The following IFNAR2 variants were observed in gnomAD, a reference collection of about 807,000 sequenced individuals.
IFNAR2 encodes the protein interferon alpha and beta receptor subunit 2.
A neutral mutation model predicts 49.4 loss-of-function variants in IFNAR2; 30 were observed. The ratio of observed to expected loss-of-function variants is 0.61; its 90% CI spans 0.45 to 0.82. The LOEUF (loss-of-function observed/expected upper bound fraction) is 0.82. IFNAR2 is among the 40% of genes least tolerant of loss of function. The pLI is 0.00. For synonymous variants in IFNAR2, 224 were observed against 234.5 expected (o/e 0.96, Z 0.41); for missense variants, 600 against 622.7 (o/e 0.96, Z 0.39).
intron 1 of IFNAR2, chr21:33,232,935 A>G (rs1986167834): frequency 1.0e-6 from 1 of 982,990 alleles, no homozygotes. Context: ...TAAGGGGGAA[A>G]AATAGGAAAG....
chr21:33,252,101 T>TATCTATCTATCC (rs1987893750), intron 6 of IFNAR2: 1 of 457,172 alleles, frequency 2.2e-6, no homozygotes, highest in Non-Finnish European at 4.5e-6. Flanking sequence ...TCTATCTATC[T>TATCTATCTATCC]ATCTATCTAT....
intron 5 of IFNAR2, among the ~76,000 whole-genome samples, chr21:33,247,254 C>T (rs17860204): frequency 0.38 from 34,613 of 90,766 alleles, 6,613 homozygotes; most frequent in African/African-American, 0.41. Context: ...TTCTTTCTTT[C>T]TTTTTTTTTT....
At chr21:33,239,863 T>G (rs1435923605) in intron 1 of IFNAR2, among the ~76,000 whole-genome samples, 2 of 6,868 alleles carry the variant, frequency 2.9e-4, no homozygotes, top group Admixed American at 1.3e-3. Flanking sequence ...ACAGGTTCTA[T>G]ATTCTCCCTT....
At position 33,230,326 on chromosome 21, in the gene IFNAR2, TC is replaced by T. The variant is rs544110361; in HGVS notation, c.-84+111del. On this transcript the variant is annotated intron_variant, in intron 1 of 8. Coordinates refer to ENST00000342136, the MANE Select transcript of IFNAR2 (RefSeq NM_001289125.3). The surrounding 1 kb of genome is among the most constrained non-coding windows in gnomAD (Gnocchi z 5.5). ...GGAATCCCCTCCGGTTCCCTCTCGC[TC>T]TCCCCGACTCCTCCTCCTCCTCCTG... The T allele has an allele frequency of 4.4e-3, 3,872 of 889,204 alleles. 13 individuals are homozygous for T. Among genetic ancestry groups the T allele is most frequent in the Non-Finnish European group, 5.3e-3 (3,643 of 686,756 alleles). The allele number at this position is 889,204 out of a possible 1,614,324, so 55.1% of individuals were successfully genotyped here. A position where few individuals can be genotyped will look rare whatever the true frequency, so the allele number is the denominator to read the frequency against.
Position 33,263,562 on chromosome 21 carries a change from C to G in IFNAR2, c.*62C>G, listed in dbSNP as rs1988789426. The G allele has an allele frequency of 6.8e-7, 1 of 1,476,154 alleles. No homozygotes were observed. The highest frequency in any genetic ancestry group is 1.3e-5 in the South Asian group (1 of 75,354). 91.4% of individuals were successfully genotyped at this position (1,476,154 alleles called of 1,614,324 possible). ...CCTACAGGGTTCTTTGTCTCTGCAT[C>G]CTAACTTGCTGCCTTATCGTCTGCA... On this transcript the variant is annotated 3_prime_UTR_variant, in exon 9 of 9. Transcript: ENST00000342136.
chr21:33,246,685 C>T (rs1193174857), intron 4 of IFNAR2, 33 bp from the exon 5 acceptor site: 2 of 1,585,754 alleles, frequency 1.3e-6, no homozygotes. Context: ...TCAATGCTAA[C>T]AATTTCCTTT....
chr21:33,235,596 C>T (rs1030523998), intron 1 of IFNAR2, among the ~76,000 whole-genome samples: 4 of 152,216 alleles, frequency 2.6e-5, no homozygotes, highest in Admixed American at 6.5e-5. Flanking sequence ...TCTCTCAACA[C>T]GTAATGTTTT....
intron 7 of IFNAR2, 38 bp from the exon 8 acceptor site, chr21:33,260,559 A>AT (rs760402985): frequency 1.8e-5 from 28 of 1,567,134 alleles, no homozygotes; most frequent in Non-Finnish European, 2.3e-5. Context: ...TGTTTATTGC[A>AT]TTTTTTGAAA....
chr21:33,260,498 C>T, intron 7 of IFNAR2, 99 bp from the exon 8 acceptor site: 2 of 1,147,012 alleles, frequency 1.7e-6, no homozygotes, highest in Non-Finnish European at 2.4e-6. Flanking sequence ...CCTTTGGTTT[C>T]TTGATCATCT....
rs1273891197 is a variant in IFNAR2, at chr21:33,263,852, TTC to T, written c.*354_*355del. 1.9e-5 allele frequency: 3 copies of T among 154,274 alleles called. No individual in the cohort carries two copies. The highest frequency in any genetic ancestry group is 3.1e-5 in the African/African-American group (1 of 32,558). 9.6% of individuals were successfully genotyped at this position (154,274 alleles called of 1,614,324 possible). A position where few individuals can be genotyped will look rare whatever the true frequency, so the allele number is the denominator to read the frequency against. On this transcript the variant is annotated 3_prime_UTR_variant, in exon 9 of 9. Transcript: ENST00000342136. ...ACCCTATGATATTTCTCTTCTTTCG[TTC>T]TTTTTTTTTTTTTTTTTTGAGACAG...
In IFNAR2 at chr21:33,252,816, C is replaced by G; in HGVS notation, c.695C>G (p.Pro232Arg). The G allele has an allele frequency of 6.2e-7, 1 of 1,613,440 alleles. No homozygotes were observed. ...CCCTTAAAATGCACCCTCCTTCCAC[C>G]TGGCCAGGAATCAGGTATGTTCATT... ...KSPLKCTLLPPGQESESAESA... is the reference protein window; with the variant it reads ...KSPLKCTLLPRGQESESAESA... The change falls in exon 7 of 9, where the codon CCT (proline) becomes CGT (arginine). Residue 232 changes from proline to arginine, a missense_variant. Pro to Arg is a moderately radical substitution (Grantham distance 103). Transcript: ENST00000342136.
rs899316048 is a variant in IFNAR2, at chr21:33,230,388, C to T, written c.-84+172C>T. 5.5e-6 allele frequency: 3 copies of T among 540,738 alleles called. No individual in the cohort carries two copies. The highest frequency in any genetic ancestry group is 2.0e-5 in the African/African-American group (1 of 49,448). 33.5% of individuals were successfully genotyped at this position (540,738 alleles called of 1,614,324 possible). On this transcript the variant is annotated intron_variant, in intron 1 of 8. Transcript: ENST00000342136. The surrounding 1 kb of genome is among the most constrained non-coding windows in gnomAD (Gnocchi z 5.5). Reference sequence around the variant, plus strand: ...GCGTCTTGAGTATGCGGCTAGTGCGCCCTTCCTCTCTCCCGGGGCCGCACC... The same window carrying T: ...GCGTCTTGAGTATGCGGCTAGTGCGTCCTTCCTCTCTCCCGGGGCCGCACC...
chr21:33,256,107 C>G lies in IFNAR2; in HGVS notation c.709+3277C>G, dbSNP rs141083989. 1.7e-4 allele frequency among the ~76,000 whole-genome samples: 26 copies of G among 152,250 alleles called. No individual in the cohort carries two copies. The East Asian group carries it at 5.0e-3, about 29-fold the overall frequency. ...GTTTATTGAAACTCAGTCCCCAGTTCCAAGGTGAATGTGTTGCTGATGAGA... is the reference window on the plus strand; with the variant it reads ...GTTTATTGAAACTCAGTCCCCAGTTGCAAGGTGAATGTGTTGCTGATGAGA... On this transcript the variant is annotated intron_variant, in intron 7 of 8. Coordinates refer to ENST00000342136, the MANE Select transcript of IFNAR2 (RefSeq NM_001289125.3).
At chr21:33,260,814 C>T in intron 8 of IFNAR2, 87 bp downstream of exon 8, 1 of 853,022 alleles carries the variant, frequency 1.2e-6, no homozygotes, top group Non-Finnish European at 1.7e-6. Flanking sequence ...AATATTTTCA[C>T]AGAAGAAAAT....
chr21:33,249,745 A>G (rs1332102552), intron 6 of IFNAR2, among the ~76,000 whole-genome samples: 5 of 152,306 alleles, frequency 3.3e-5, no homozygotes, highest in South Asian at 4.1e-4. Flanking sequence ...CCCTTTGCCA[A>G]GTATAAAACC....
chr21:33,260,559 AT>A lies in IFNAR2; in HGVS notation c.710-32del, dbSNP rs760402985. 9 of 1,567,098 alleles carry A rather than the reference AT, an allele frequency of 5.7e-6. No homozygotes were observed. The South Asian group carries it at 7.1e-5, about 12-fold the overall frequency. On this transcript the variant is annotated intron_variant, in intron 7 of 8. Transcript: ENST00000342136. ...ATTTCCATCTGCAATTGTTTATTGC[AT>A]TTTTTGAAATAAAGTCATTTAATTT... is the stretch of plus-strand genomic sequence containing the variant.
At chr21:33,236,527 C>T (rs1986472335) in intron 1 of IFNAR2, among the ~76,000 whole-genome samples, 1 of 144,950 alleles carries the variant, frequency 6.9e-6, no homozygotes, top group African/African-American at 2.4e-5. Context: ...CCTCTGACTC[C>T]AGTCCATGGG....
At chr21:33,235,980 A>G (rs936001436) in intron 1 of IFNAR2, among the ~76,000 whole-genome samples, 1 of 152,212 alleles carries the variant, frequency 6.6e-6, no homozygotes, top group Admixed American at 6.5e-5. Context: ...ATTAGCATGA[A>G]TATTGCAGTT....
intron 6 of IFNAR2, 146 bp from the exon 7 acceptor site, chr21:33,252,516 C>T (rs966555487): frequency 7.0e-6 from 10 of 1,438,432 alleles, no homozygotes; most frequent in Non-Finnish European, 6.4e-6. Flanking sequence ...AAATTACTTG[C>T]TCCAGATGAC....
Sources: allele counts gnomAD v4.1 joint callset (sites outside exome capture counted in the v4.1 genomes callset), GRCh38; gene constraint gnomAD v4.1.1; non-coding constraint Gnocchi (gnomAD v3.1); transcripts MANE v1.5; gene names NCBI Gene and HGNC (gene_info 2026-07-23, HGNC 2026-07-21).